The following SH2D1B variants were observed in gnomAD, a reference collection of about 807,000 sequenced individuals.
SH2D1B encodes the protein SH2 domain containing 1B.
SH2D1B carries 11 observed loss-of-function variants against 16.3 expected under a neutral mutation model. That is an observed-to-expected ratio of 0.67 (90% CI 0.42 to 1.11). SH2D1B has a LOEUF of 1.11. Among genes scored for constraint, SH2D1B ranks in the 50% most tolerant of loss-of-function variants. The probability of loss-of-function intolerance (pLI) is 0.00; values close to 1 mark genes in which losing one functional copy is unlikely to be tolerated. For synonymous variants in SH2D1B, 55 were observed against 56.1 expected (o/e 0.98, Z 0.09); for missense variants, 123 against 153.1 (o/e 0.80, Z 1.04).
chr1:162,407,153 C>T (rs571880210), intron 1 of SH2D1B, among the ~76,000 whole-genome samples: 90 of 152,302 alleles, frequency 5.9e-4, no homozygotes, highest in African/African-American at 2.1e-3. Flanking sequence ...CCTGAAGTAT[C>T]GGGGGAACCA....
chr1:162,396,650 AG>A lies in SH2D1B; in HGVS notation c.*629del, dbSNP rs1459649510. The A allele has an allele frequency of 6.5e-6, 1 of 152,674 alleles. No individual in the cohort carries two copies. The highest frequency in any genetic ancestry group is 1.5e-5 in the Non-Finnish European group (1 of 68,418). The allele number at this position is 152,674 out of a possible 1,614,324, so 9.5% of individuals were successfully genotyped here. On this transcript the variant is annotated 3_prime_UTR_variant, in exon 4 of 4. Transcript: ENST00000367929. ...CTCACCAGGAAGTTTAAGATTAGAA[AG>A]AACCAGGAGGAGAGTAGCCCAGGCT...
chr1:162,407,156 G>A (rs956708761), intron 1 of SH2D1B, among the ~76,000 whole-genome samples: 2 of 152,134 alleles, frequency 1.3e-5, no homozygotes, highest in Non-Finnish European at 2.9e-5. Context: ...GAAGTATCGG[G>A]GGAACCAGCC....
intron 2 of SH2D1B, among the ~76,000 whole-genome samples, chr1:162,401,464 T>C (rs1021535908): frequency 2.6e-5 from 4 of 152,212 alleles, no homozygotes; most frequent in African/African-American, 9.6e-5. Context: ...TTTATTATAT[T>C]TGCTTTTTAT....
At chr1:162,407,148 A>G (rs1271068460) in intron 1 of SH2D1B, among the ~76,000 whole-genome samples, 1 of 152,238 alleles carries the variant, frequency 6.6e-6, no homozygotes, top group Non-Finnish European at 1.5e-5. Context: ...AAAGTCCTGA[A>G]GTATCGGGGG....
In SH2D1B at chr1:162,411,867, A is replaced by G; in HGVS notation, c.134+16T>C. The G allele has an allele frequency of 6.2e-7, 1 of 1,614,046 alleles. No individual in the cohort carries two copies. The highest frequency in any genetic ancestry group is 8.5e-7 in the Non-Finnish European group (1 of 1,180,026). ...CAACATACGATGTCAGATGTGTGCA[A>G]GATGAGGCTACTCACGAGACACAGA... On this transcript the variant is annotated intron_variant, in intron 1 of 3. Transcript: ENST00000367929.
chr1:162,407,652 T>C (rs1449964356), intron 1 of SH2D1B, among the ~76,000 whole-genome samples: 1 of 152,246 alleles, frequency 6.6e-6, no homozygotes, highest in Non-Finnish European at 1.5e-5. Context: ...CTAACACTTG[T>C]ATCATAATAG....
intron 2 of SH2D1B, among the ~76,000 whole-genome samples, chr1:162,401,546 A>T (rs759909677): frequency 6.6e-6 from 1 of 152,186 alleles, no homozygotes; most frequent in Non-Finnish European, 1.5e-5. Context: ...TTTCAAAGTT[A>T]ATTTGCAGAC....
rs1412748489 is a variant in SH2D1B at position 162,399,009 on chromosome 1, TC to T, written c.276del (p.Met93TrpfsTer6). ...ATTGGCTTTAAAAGGTGAACCACCA[TC>T]CCCTGATTTGGTTTTTCAAATTTGG... Reference protein sequence around the residue: ...LISKFEKPNQGMVVHLLKPIK... With the variant: ...LISKFEKPNQXMVVHLLKPIK... On this transcript the variant is annotated frameshift_variant, in exon 3 of 4. Transcript: ENST00000367929. LOFTEE classifies it high-confidence loss of function. 6.2e-7 allele frequency: 1 copy of T among 1,613,926 alleles called. No individual in the cohort carries two copies. The highest frequency in any genetic ancestry group is 1.7e-5 in the Admixed American group (1 of 59,994).
intron 1 of SH2D1B, among the ~76,000 whole-genome samples, chr1:162,409,106 C>CT (rs1648732821): frequency 2.5e-5 from 1 of 39,568 alleles, no homozygotes; most frequent in African/African-American, 6.6e-5. Flanking sequence ...GAGACCCTGT[C>CT]TAAAAAAAAA....
intron 1 of SH2D1B, 146 bp from the exon 2 acceptor site, chr1:162,402,948 G>T (rs1219978128): frequency 1.6e-6 from 1 of 613,640 alleles, no homozygotes; most frequent in Non-Finnish European, 2.8e-6. Flanking sequence ...TCACTCTGTC[G>T]CCCAGGCTGG....
intron 1 of SH2D1B, among the ~76,000 whole-genome samples, chr1:162,408,459 C>T (rs1022822002): frequency 5.5e-5 from 8 of 146,466 alleles, no homozygotes; most frequent in Non-Finnish European, 1.2e-4. Context: ...TGTAACCCGG[C>T]TGGAGTGCAG....
Position 162,412,109 on chromosome 1 carries a change from T to G in SH2D1B, c.-93A>C. The G allele has an allele frequency of 3.9e-6, 6 of 1,527,800 alleles. No individual in the cohort carries two copies. The highest frequency in any genetic ancestry group is 1.2e-5 in the South Asian group (1 of 86,738). 94.6% of individuals were successfully genotyped at this position (1,527,800 alleles called of 1,614,324 possible). On this transcript the variant is annotated 5_prime_UTR_variant, in exon 1 of 4. Coordinates refer to ENST00000367929, the MANE Select transcript of SH2D1B (RefSeq NM_053282.5). ...CTGAGGAGAGATGTGTAAGCAGCTG[T>G]ACCTCCTGTGGAGCTACCTCTTCCT... is the stretch of plus-strand genomic sequence containing the variant.
intron 2 of SH2D1B, among the ~76,000 whole-genome samples, chr1:162,400,286 C>CTTTTTTTTTTTTTTTTTTTTTTT (rs1241054289): frequency 1.2e-5 from 1 of 83,284 alleles, no homozygotes; most frequent in East Asian, 4.0e-4. Context: ...ACACCACGTA[C>CTTTTTTTTTTTTTTTTTTTTTTT]TTTTTTTTTT....
At chr1:162,397,351 G>T (rs1288252751) in intron 3 of SH2D1B, 36 bp from the exon 4 acceptor site, 1 of 1,611,502 alleles carries the variant, frequency 6.2e-7, no homozygotes, top group African/African-American at 1.3e-5. Context: ...GACCAGCCAT[G>T]AGACCACACC....
chr1:162,411,789 T>G (rs1557913289), intron 1 of SH2D1B, 94 bp downstream of exon 1: 4 of 1,534,844 alleles, frequency 2.6e-6, no homozygotes, highest in Non-Finnish European at 3.6e-6. Flanking sequence ...AAAGTCAGAG[T>G]GAAATACTGA....
chr1:162,398,807 G>T, intron 3 of SH2D1B, 116 bp downstream of exon 3: 1 of 1,274,078 alleles, frequency 7.8e-7, no homozygotes, highest in Non-Finnish European at 1.1e-6. Flanking sequence ...GTAGGATGAA[G>T]CTTTTTAGAG....
intron 3 of SH2D1B, among the ~76,000 whole-genome samples, chr1:162,398,649 G>A (rs1020912500): frequency 2.6e-5 from 4 of 152,094 alleles, no homozygotes; most frequent in Admixed American, 6.5e-5. Flanking sequence ...AACTTGAATC[G>A]TCTGCACAAG....
intron 1 of SH2D1B, among the ~76,000 whole-genome samples, chr1:162,405,952 G>A (rs771981535): frequency 1.3e-5 from 2 of 152,180 alleles, no homozygotes; most frequent in African/African-American, 2.4e-5. Flanking sequence ...AAACTTGTTT[G>A]TGTTCAAGTT....
At chr1:162,407,785 ACT>A (rs1261704020) in intron 1 of SH2D1B, among the ~76,000 whole-genome samples, 3 of 152,004 alleles carry the variant, frequency 2.0e-5, no homozygotes, top group South Asian at 4.1e-4. Context: ...CTGTCATATG[ACT>A]CTGTTTCATT....
Sources: allele counts gnomAD v4.1 joint callset (sites outside exome capture counted in the v4.1 genomes callset), GRCh38; gene constraint gnomAD v4.1.1; transcripts MANE v1.5; gene names NCBI Gene and HGNC (gene_info 2026-07-23, HGNC 2026-07-21).